The following NRXN3 variants were observed in gnomAD, a reference collection of about 807,000 sequenced individuals.
The protein encoded by NRXN3 is neurexin 3.
Under a neutral mutation model 137.6 loss-of-function variants are expected in NRXN3, and 32 were observed. That is an observed-to-expected ratio of 0.23 (90% confidence interval 0.18 to 0.31). The LOEUF (loss-of-function observed/expected upper bound fraction) is 0.31, where lower values mean the gene tolerates loss of function less well. NRXN3 is among the 10% of genes least tolerant of loss of function. NRXN3 has a pLI of 1.00. For synonymous variants in NRXN3, 798 were observed against 784.5 expected (o/e 1.02, Z -0.29); for missense variants, 1,574 against 2,062.5 (o/e 0.76, Z 4.59).
At chr14:78,293,810 T>C (rs773751399) in intron 3 of NRXN3, among the ~76,000 whole-genome samples, 10 of 152,252 alleles carry the variant, frequency 6.6e-5, no homozygotes, top group Admixed American at 2.6e-4. Flanking sequence ...TAGGATCATC[T>C]TTCCCTTTTT....
At chr14:79,437,415 T>TAA (rs1224944515) in intron 15 of NRXN3, among the ~76,000 whole-genome samples, 5 of 137,104 alleles carry the variant, frequency 3.6e-5, no homozygotes, top group South Asian at 4.7e-4. Context: ...ATGTGCGTTC[T>TAA]AAAAAAAAAA....
At chr14:78,227,660 C>G (rs2064853989) in intron 1 of NRXN3, among the ~76,000 whole-genome samples, 1 of 152,174 alleles carries the variant, frequency 6.6e-6, no homozygotes, top group African/African-American at 2.4e-5. Flanking sequence ...GCAGTTAACA[C>G]CGAAGCAGAC....
intron 17 of NRXN3, among the ~76,000 whole-genome samples, chr14:79,683,235 T>TA (rs1454692776): frequency 6.6e-6 from 1 of 152,176 alleles, no homozygotes; most frequent in Non-Finnish European, 1.5e-5. Context: ...GACTGATATA[T>TA]AAAACTTCTC....
intron 16 of NRXN3, among the ~76,000 whole-genome samples, chr14:79,513,207 C>G (rs925403112): frequency 4.5e-4 from 68 of 152,176 alleles, no homozygotes; most frequent in African/African-American, 1.5e-3. Context: ...CTTTTGCAAC[C>G]TGATGCTTTC....
intron 15 of NRXN3, among the ~76,000 whole-genome samples, chr14:79,282,190 G>A (rs1032535578): frequency 1.3e-5 from 2 of 151,854 alleles, no homozygotes; most frequent in African/African-American, 4.8e-5. Flanking sequence ...TGGAAACTTA[G>A]CTCCTAAGGG....
At chr14:78,399,799 C>T (rs1432974561) in intron 4 of NRXN3, among the ~76,000 whole-genome samples, 1 of 152,226 alleles carries the variant, frequency 6.6e-6, no homozygotes, top group Non-Finnish European at 1.5e-5. Flanking sequence ...TCTTCAATTG[C>T]TTGTGTCACT....
At chr14:79,118,793 G>A (rs952381417) in intron 15 of NRXN3, among the ~76,000 whole-genome samples, 1 of 152,008 alleles carries the variant, frequency 6.6e-6, no homozygotes, top group Non-Finnish European at 1.5e-5. Flanking sequence ...ACACCCCTAT[G>A]TACCCAAAGT....
chr14:79,426,525 C>A (rs1465057017), intron 15 of NRXN3, among the ~76,000 whole-genome samples: 4 of 152,194 alleles, frequency 2.6e-5, no homozygotes, highest in African/African-American at 7.2e-5. Flanking sequence ...TTACTGTTTG[C>A]CAAAGCTCTA....
chr14:79,034,072 T>C (rs2099612076), intron 15 of NRXN3, among the ~76,000 whole-genome samples: 1 of 152,074 alleles, frequency 6.6e-6, no homozygotes. Flanking sequence ...TATCACCCAC[T>C]TCAAAAACCC....
chr14:78,831,684 C>G (rs1310508392), intron 10 of NRXN3, among the ~76,000 whole-genome samples: 1 of 151,900 alleles, frequency 6.6e-6, no homozygotes, highest in East Asian at 1.9e-4. Flanking sequence ...AGTGCTGTCC[C>G]AATTCACTTT....
chr14:79,576,331 G>A (rs898215095), intron 16 of NRXN3, among the ~76,000 whole-genome samples: 2 of 152,020 alleles, frequency 1.3e-5, no homozygotes, highest in African/African-American at 4.8e-5. Context: ...TGCACAAATA[G>A]AAAGAGAGAA....
intron 16 of NRXN3, among the ~76,000 whole-genome samples, chr14:79,526,369 T>A (rs1025271984): frequency 7.2e-5 from 11 of 152,094 alleles, no homozygotes; most frequent in Admixed American, 1.3e-4. Context: ...TTTAAAAAAA[T>A]TTTTTTGCAG....
chr14:79,576,673 C>T (rs932496394), intron 16 of NRXN3, among the ~76,000 whole-genome samples: 6 of 152,104 alleles, frequency 3.9e-5, no homozygotes, highest in African/African-American at 9.7e-5. Flanking sequence ...GACCATGGAT[C>T]GGATTCTGAC....
intron 6 of NRXN3, among the ~76,000 whole-genome samples, chr14:78,679,249 A>G (rs2098046428): frequency 6.6e-6 from 1 of 152,186 alleles, no homozygotes; most frequent in African/African-American, 2.4e-5. Flanking sequence ...TTTGAAATGT[A>G]TAATTAACAA....
intron 15 of NRXN3, among the ~76,000 whole-genome samples, chr14:79,283,806 G>A (rs964231499): frequency 1.3e-4 from 20 of 152,132 alleles, no homozygotes; most frequent in African/African-American, 4.6e-4. Context: ...CAGGCTGTGG[G>A]CTACTGCTGA....
At chr14:78,688,298 A>C (rs1418744919) in intron 6 of NRXN3, among the ~76,000 whole-genome samples, 1 of 152,196 alleles carries the variant, frequency 6.6e-6, no homozygotes, top group Non-Finnish European at 1.5e-5. Context: ...ACAGAGAGAA[A>C]ACCAACAAAG....
At chr14:79,302,772 C>T (rs1375115485) in intron 15 of NRXN3, among the ~76,000 whole-genome samples, 1 of 151,994 alleles carries the variant, frequency 6.6e-6, no homozygotes, top group Non-Finnish European at 1.5e-5. Context: ...TTTTCCCTCA[C>T]CTTCTGCCAT....
At chr14:78,702,451 C>CTTTTTTTTTTTTT (rs151197180) in intron 6 of NRXN3, among the ~76,000 whole-genome samples, 6 of 122,704 alleles carry the variant, frequency 4.9e-5, no homozygotes, top group Admixed American at 1.9e-4. Context: ...TTTTTCTTTT[C>CTTTTTTTTTTTTT]TTATTTTTTT....
At chr14:78,213,890 G>T (rs1331099756) in intron 1 of NRXN3, among the ~76,000 whole-genome samples, 3 of 152,080 alleles carry the variant, frequency 2.0e-5, no homozygotes, top group African/African-American at 7.2e-5. Context: ...CTGTTTATTC[G>T]CCAGAAACTC....
Sources: gnomAD v4.1 joint callset for allele counts (sites outside exome capture counted in the v4.1 genomes callset) on GRCh38, gnomAD v4.1.1 for gene constraint, MANE v1.5 for transcripts, NCBI Gene and HGNC (gene_info 2026-07-23, HGNC 2026-07-21) for gene names.